The following UST variants were observed in gnomAD, a reference collection of about 807,000 sequenced individuals.
UST encodes the protein uronyl 2-sulfotransferase, also known as chondroitin sulfate 2-O-sulfotransferase.
In UST, 21 loss-of-function variants were observed where a neutral mutation model predicts 45.6. That is an observed-to-expected ratio of 0.46 (90% CI 0.33 to 0.66). The LOEUF (loss-of-function observed/expected upper bound fraction) is 0.66. Ranked by LOEUF, UST falls within the 30% of genes least tolerant of loss-of-function variation. The pLI is 0.02. For synonymous variants in UST, 215 were observed against 200.6 expected, an observed-to-expected ratio of 1.07 and a Z score of -0.61; for missense variants, 463 against 512.4, an observed-to-expected ratio of 0.90 and a Z score of 0.93.
chr6:148,770,536 C>G (rs144691651), intron 1 of UST, among the ~76,000 whole-genome samples: 1 of 152,156 alleles, frequency 6.6e-6, no homozygotes, highest in East Asian at 1.9e-4. Context: ...AGCCACCGAA[C>G]ATTTTTAGAC....
intron 2 of UST, among the ~76,000 whole-genome samples, chr6:148,903,840 A>C (rs1231469653): frequency 6.6e-6 from 1 of 152,228 alleles, no homozygotes; most frequent in African/African-American, 2.4e-5. Context: ...AAAATACTGC[A>C]GCCCAAAGAG....
At chr6:148,749,894 C>A (rs114900957) in intron 1 of UST, among the ~76,000 whole-genome samples, 1 of 152,084 alleles carries the variant, frequency 6.6e-6, no homozygotes, top group Non-Finnish European at 1.5e-5. Context: ...AAATAGAATA[C>A]CCTTGGCCAA....
intron 1 of UST, among the ~76,000 whole-genome samples, chr6:148,808,334 T>C (rs543813938): frequency 2.8e-4 from 43 of 152,302 alleles, no homozygotes; most frequent in African/African-American, 1.0e-3. Context: ...GCGAATGTTT[T>C]CCTTCCTTTA....
At chr6:148,959,306 A>T (rs1291303411) in intron 4 of UST, among the ~76,000 whole-genome samples, 1 of 152,190 alleles carries the variant, frequency 6.6e-6, no homozygotes, top group Non-Finnish European at 1.5e-5. Context: ...TGACTTTTTT[A>T]TTCTTCTTAG....
intron 1 of UST, among the ~76,000 whole-genome samples, chr6:148,886,551 G>T (rs1447210461): frequency 6.6e-6 from 1 of 152,158 alleles, no homozygotes; most frequent in Non-Finnish European, 1.5e-5. Context: ...GAGAGTATGG[G>T]GTTCAGGACC....
intron 5 of UST, among the ~76,000 whole-genome samples, chr6:149,004,034 T>C (rs554688181): frequency 6.6e-6 from 1 of 152,232 alleles, no homozygotes; most frequent in Admixed American, 6.5e-5. Context: ...GATGCCATGT[T>C]TTTTAAAAGA....
chr6:148,997,469 T>C (rs1161183359), intron 5 of UST, among the ~76,000 whole-genome samples: 1 of 152,068 alleles, frequency 6.6e-6, no homozygotes, highest in African/African-American at 2.4e-5. Flanking sequence ...AGTGAATGAA[T>C]GGATGAATGA....
At chr6:149,063,752 AGAG>A (rs776661575) in intron 7 of UST, among the ~76,000 whole-genome samples, 1 of 152,216 alleles carries the variant, frequency 6.6e-6, no homozygotes, top group Non-Finnish European at 1.5e-5. Context: ...AAGCCTGTAC[AGAG>A]GAGAACTGTG....
At chr6:148,764,436 C>G (rs1317287938) in intron 1 of UST, among the ~76,000 whole-genome samples, 1 of 152,138 alleles carries the variant, frequency 6.6e-6, no homozygotes, top group Non-Finnish European at 1.5e-5. Flanking sequence ...CATCAGCCAA[C>G]AGAGATAATT....
At chr6:149,003,765 G>A (rs933359520) in intron 5 of UST, among the ~76,000 whole-genome samples, 1 of 152,208 alleles carries the variant, frequency 6.6e-6, no homozygotes, top group African/African-American at 2.4e-5. Context: ...CCGGAGGCTG[G>A]AAGAGCATTG....
intron 2 of UST, among the ~76,000 whole-genome samples, chr6:148,907,461 C>T (rs1779386156): frequency 6.6e-6 from 1 of 151,996 alleles, no homozygotes; most frequent in African/African-American, 2.4e-5. Flanking sequence ...TTTAATGAGC[C>T]CTACTAATTT....
intron 7 of UST, among the ~76,000 whole-genome samples, chr6:149,046,332 C>G (rs1776395601): frequency 6.6e-6 from 1 of 152,212 alleles, no homozygotes; most frequent in Non-Finnish European, 1.5e-5. Context: ...AGGGGTAGGG[C>G]CACCACTGCC....
chr6:148,955,631 T>C lies in UST; in HGVS notation c.527+1680T>C, dbSNP rs1780477884. 2 of 152,262 alleles carry C rather than the reference T, an allele frequency of 1.3e-5. 1 individual carries two copies. Among genetic ancestry groups the C allele is most frequent in the Non-Finnish European group, 2.9e-5 (2 of 68,044 alleles). The allele number at this position is 152,262 out of a possible 1,614,324, so 9.4% of individuals were successfully genotyped here. ...TTCCAGAAGGCCACATGCATATTAT[T>C]AGACATGATTAGATAACAAGGCTTA... On this transcript the variant is annotated intron_variant, in intron 4 of 7. Coordinates refer to ENST00000367463, the MANE Select transcript of UST (RefSeq NM_005715.3).
At chr6:148,780,755 C>T (rs1171199047) in intron 1 of UST, among the ~76,000 whole-genome samples, 4 of 152,124 alleles carry the variant, frequency 2.6e-5, no homozygotes, top group Non-Finnish European at 5.9e-5. Context: ...TTTCTGATAA[C>T]ATATGCTTAC....
At chr6:148,779,280 T>G (rs187913397) in intron 1 of UST, among the ~76,000 whole-genome samples, 2 of 152,216 alleles carry the variant, frequency 1.3e-5, no homozygotes, top group African/African-American at 4.8e-5. Flanking sequence ...AATACAGTCT[T>G]GAGGAGAAGC....
intron 1 of UST, among the ~76,000 whole-genome samples, chr6:148,856,207 G>A (rs929462976): frequency 9.2e-5 from 14 of 151,978 alleles, no homozygotes; most frequent in African/African-American, 3.4e-4. Context: ...TAGTAGAGAT[G>A]GGGTTTCACC....
At chr6:149,042,465 T>A (rs551501571) in intron 7 of UST, among the ~76,000 whole-genome samples, 1 of 152,274 alleles carries the variant, frequency 6.6e-6, no homozygotes, top group Admixed American at 6.5e-5. Flanking sequence ...AAACCCTATT[T>A]GTGGGTAGCT....
rs575883986 is a variant in UST at position 148,975,503 on chromosome 6, G to A, written c.681+10940G>A. Among the ~76,000 whole-genome samples the A allele has an allele frequency of 4.7e-4, 72 of 152,264 alleles. 1 individual carries two copies. The South Asian group carries it at 0.014, about 30-fold the overall frequency. On this transcript the variant is annotated intron_variant, in intron 5 of 7. Coordinates refer to ENST00000367463, the MANE Select transcript of UST (RefSeq NM_005715.3). ...CATCTTCTTCCAATCCATGATCAAAGTGTCCAGTGTGTATCTGACTTTGTC... is the reference window on the plus strand; with the variant it reads ...CATCTTCTTCCAATCCATGATCAAAATGTCCAGTGTGTATCTGACTTTGTC...
chr6:148,865,932 G>A (rs911125004), intron 1 of UST, among the ~76,000 whole-genome samples: 4 of 151,906 alleles, frequency 2.6e-5, no homozygotes, highest in East Asian at 3.9e-4. Context: ...AGCATGCTTC[G>A]TTAGACAATT....
Sources: allele counts gnomAD v4.1 joint callset (sites outside exome capture counted in the v4.1 genomes callset), GRCh38; gene constraint gnomAD v4.1.1; transcripts MANE v1.5; gene names NCBI Gene and HGNC (gene_info 2026-07-23, HGNC 2026-07-21).